The following CSMD1 variants were observed in gnomAD, a reference collection of about 807,000 sequenced individuals.
CSMD1 encodes CUB and Sushi multiple domains 1, also known as CUB and sushi domain-containing protein 1.
Under a neutral mutation model 417.5 loss-of-function variants are expected in CSMD1, and 213 were observed. The observed-to-expected ratio is 0.51, with a 90% confidence interval of 0.46 to 0.57. The LOEUF is 0.57. Ranked by LOEUF, CSMD1 falls within the 20% of genes least tolerant of loss-of-function variation. CSMD1 has a pLI of 0.00. For synonymous variants in CSMD1, 2,862 were observed against 1,736.8 expected (o/e 1.65, Z -16.11); for missense variants, 6,923 against 4,529.7 (o/e 1.53, Z -15.17).
intron 1 of CSMD1, among the ~76,000 whole-genome samples, chr8:4,691,990 C>A (rs1306368595): frequency 1.3e-5 from 2 of 152,206 alleles, no homozygotes; most frequent in African/African-American, 4.8e-5. Flanking sequence ...CTGTCTCAAT[C>A]CATCTTCAGT....
At chr8:3,309,753 C>A (rs1355401889) in intron 23 of CSMD1, among the ~76,000 whole-genome samples, 1 of 152,176 alleles carries the variant, frequency 6.6e-6, no homozygotes, top group African/African-American at 2.4e-5. Flanking sequence ...CTACATCCTC[C>A]TGTCAATGTG....
chr8:3,836,207 G>A (rs914070158), intron 5 of CSMD1, among the ~76,000 whole-genome samples: 2 of 151,994 alleles, frequency 1.3e-5, no homozygotes, highest in Non-Finnish European at 2.9e-5. Flanking sequence ...TTTTGATCAT[G>A]TCATCGGACA....
At chr8:4,427,642 T>G (rs568305556) in intron 2 of CSMD1, among the ~76,000 whole-genome samples, 97 of 152,268 alleles carry the variant, frequency 6.4e-4, no homozygotes, top group Admixed American at 1.4e-3. Flanking sequence ...AATTACATTA[T>G]TTTTATACGT....
chr8:4,687,765 G>A (rs1036108002), intron 1 of CSMD1, among the ~76,000 whole-genome samples: 3 of 151,676 alleles, frequency 2.0e-5, no homozygotes, highest in African/African-American at 7.3e-5. Flanking sequence ...CCCTCCTTTT[G>A]TCACCCTCCT....
intron 5 of CSMD1, among the ~76,000 whole-genome samples, chr8:3,864,293 T>C (rs891509105): frequency 6.6e-6 from 1 of 152,146 alleles, no homozygotes; most frequent in African/African-American, 2.4e-5. Flanking sequence ...TGGCCAATAT[T>C]TGTTGAGCTC....
intron 4 of CSMD1, among the ~76,000 whole-genome samples, chr8:4,031,692 C>G (rs986375922): frequency 2.6e-5 from 4 of 152,146 alleles, no homozygotes; most frequent in African/African-American, 7.2e-5. Flanking sequence ...TACTTACATA[C>G]TAACATGCAA....
intron 7 of CSMD1, among the ~76,000 whole-genome samples, chr8:3,675,306 C>T (rs139969460): frequency 7.4e-4 from 112 of 152,312 alleles, no homozygotes; most frequent in African/African-American, 2.6e-3. Context: ...GCACTATGCA[C>T]ATCCTCACGT....
intron 3 of CSMD1, among the ~76,000 whole-genome samples, chr8:4,111,822 T>C (rs1018494063): frequency 1.3e-5 from 2 of 152,108 alleles, no homozygotes; most frequent in Non-Finnish European, 2.9e-5. Flanking sequence ...CATATGGGGC[T>C]TGAATCCTAG....
chr8:3,021,125 C>T (rs1470586945), intron 51 of CSMD1, among the ~76,000 whole-genome samples: 1 of 152,162 alleles, frequency 6.6e-6, no homozygotes, highest in African/African-American at 2.4e-5. Flanking sequence ...GGTTTCAGCG[C>T]ACCTTCGCCT....
At chr8:4,318,780 A>G (rs571169411) in intron 3 of CSMD1, among the ~76,000 whole-genome samples, 1 of 151,636 alleles carries the variant, frequency 6.6e-6, no homozygotes, top group African/African-American at 2.4e-5. Context: ...ATATATTGGC[A>G]TTGTATTTAC....
At chr8:4,916,398 G>C (rs977945472) in intron 1 of CSMD1, among the ~76,000 whole-genome samples, 3 of 152,204 alleles carry the variant, frequency 2.0e-5, no homozygotes, top group Non-Finnish European at 2.9e-5. Context: ...GAGTACATTG[G>C]AACACATATG....
intron 5 of CSMD1, among the ~76,000 whole-genome samples, chr8:3,774,031 T>A (rs1434490555): frequency 6.6e-6 from 1 of 152,152 alleles, no homozygotes; most frequent in African/African-American, 2.4e-5. Context: ...ATCCTACCTA[T>A]CTTTCATTCT....
At chr8:4,634,267 A>T (rs1802702328) in intron 2 of CSMD1, among the ~76,000 whole-genome samples, 2 of 152,194 alleles carry the variant, frequency 1.3e-5, no homozygotes, top group Admixed American at 6.5e-5. Flanking sequence ...TTACATATGT[A>T]AATAATACTA....
intron 17 of CSMD1, among the ~76,000 whole-genome samples, chr8:3,390,026 A>G (rs1220789846): frequency 6.6e-6 from 1 of 152,130 alleles, no homozygotes; most frequent in East Asian, 1.9e-4. Context: ...TGGCCATGTA[A>G]AAGAATCCTG....
intron 41 of CSMD1, among the ~76,000 whole-genome samples, chr8:3,122,489 G>T (rs538237611): frequency 2.6e-5 from 4 of 152,104 alleles, no homozygotes; most frequent in Non-Finnish European, 5.9e-5. Context: ...TGCAGTTGAC[G>T]TGGTATGGCT....
At chr8:3,453,446 T>A (rs1188737481) in intron 12 of CSMD1, among the ~76,000 whole-genome samples, 1 of 152,166 alleles carries the variant, frequency 6.6e-6, no homozygotes, top group Admixed American at 6.5e-5. Flanking sequence ...CTTGTGGGCA[T>A]TTAGTGCTAT....
At chr8:4,761,879 CTATCTAT>C (rs1812107554) in intron 1 of CSMD1, among the ~76,000 whole-genome samples, 15 of 88,058 alleles carry the variant, frequency 1.7e-4, no homozygotes, top group Middle Eastern at 0.014. Flanking sequence ...ATCTATCTAT[CTATCTAT>C]CTACCTACCT....
At chr8:3,293,774 C>T (rs1298834761) in intron 25 of CSMD1, among the ~76,000 whole-genome samples, 1 of 152,188 alleles carries the variant, frequency 6.6e-6, no homozygotes, top group Non-Finnish European at 1.5e-5. Context: ...TGGGTTCAAA[C>T]TTCCTCCTGT....
At chr8:4,381,109 G>C (rs1341503141) in intron 3 of CSMD1, among the ~76,000 whole-genome samples, 3 of 152,128 alleles carry the variant, frequency 2.0e-5, no homozygotes, top group African/African-American at 7.2e-5. Context: ...CATTACTTTT[G>C]CACCAACCTA....
Sources: allele counts gnomAD v4.1 joint callset (sites outside exome capture counted in the v4.1 genomes callset), GRCh38; gene constraint gnomAD v4.1.1; transcripts MANE v1.5; gene names NCBI Gene and HGNC (gene_info 2026-07-23, HGNC 2026-07-21).